The following GPAM variants were observed in gnomAD, a reference collection of about 807,000 sequenced individuals.
GPAM encodes the protein glycerol-3-phosphate acyltransferase, mitochondrial, also known as glycerol-3-phosphate acyltransferase 1, mitochondrial.
A neutral mutation model predicts 105.0 loss-of-function variants in GPAM; 56 were observed. That is an observed-to-expected ratio of 0.53 (90% CI 0.43 to 0.67). The LOEUF (loss-of-function observed/expected upper bound fraction) is 0.67. Among genes scored for constraint, GPAM ranks in the 30% least tolerant of loss-of-function variants. The pLI is 0.00. For missense variants in GPAM, 855 were observed against 989.8 expected, an observed-to-expected ratio of 0.86 and a Z score of 1.83; for synonymous variants, 368 against 354.4, an observed-to-expected ratio of 1.04 and a Z score of -0.43.
chr10:112,190,041 C>G (rs1847638023), intron 1 of GPAM, among the ~76,000 whole-genome samples: 2 of 151,980 alleles, frequency 1.3e-5, no homozygotes, highest in African/African-American at 4.8e-5. Context: ...CACTCTAGTC[C>G]CTGTTTTTAG....
intron 11 of GPAM, among the ~76,000 whole-genome samples, chr10:112,166,853 C>T (rs1847227210): frequency 6.6e-6 from 1 of 152,112 alleles, no homozygotes; most frequent in Non-Finnish European, 1.5e-5. Flanking sequence ...TTCTGTGGTT[C>T]TTAAACAAGA....
chr10:112,180,859 C>T (rs1037942419), intron 3 of GPAM, among the ~76,000 whole-genome samples: 2 of 152,132 alleles, frequency 1.3e-5, no homozygotes, highest in African/African-American at 4.8e-5. Context: ...GTCAAACAGA[C>T]TTCTGACAGC....
chr10:112,176,902 G>A (rs1202023376), intron 5 of GPAM, among the ~76,000 whole-genome samples: 1 of 152,076 alleles, frequency 6.6e-6, no homozygotes, highest in South Asian at 2.1e-4. Context: ...ATTCTGCCTC[G>A]TCATCATAGC....
chr10:112,156,341 G>T, intron 19 of GPAM: 1 of 417,330 alleles, frequency 2.4e-6, no homozygotes, highest in Non-Finnish European at 4.5e-6. Flanking sequence ...TGCCCTACTT[G>T]TGATACGCTG....
At chr10:112,186,024 A>C (rs1049095078), upstream of GPAM, among the ~76,000 whole-genome samples, 101 of 152,252 alleles carry the variant, frequency 6.6e-4, 1 homozygote, top group African/African-American at 2.4e-3. Flanking sequence ...AAACTTATAA[A>C]CCCAAAAAGC....
chr10:112,160,156 A>G, intron 16 of GPAM, 103 bp from the exon 17 acceptor site: 1 of 1,155,166 alleles, frequency 8.7e-7, no homozygotes, highest in Non-Finnish European at 1.3e-6. Context: ...ATCAAAAATA[A>G]TGGCCTGTAT....
intron 1 of GPAM, among the ~76,000 whole-genome samples, chr10:112,197,664 AGT>A (rs1162923102): frequency 2.9e-5 from 3 of 105,072 alleles, no homozygotes; most frequent in African/African-American, 1.1e-4. Flanking sequence ...CAGTCCCCAG[AGT>A]GTGATATTCC....
chr10:112,202,652 T>A (rs528577672), intron 1 of GPAM, among the ~76,000 whole-genome samples: 2 of 152,190 alleles, frequency 1.3e-5, no homozygotes, highest in African/African-American at 4.8e-5. Context: ...GCTGACACCA[T>A]AAAATACCTA....
chr10:112,154,461 T>C, intron 21 of GPAM, 168 bp downstream of exon 21: 1 of 642,926 alleles, frequency 1.6e-6, no homozygotes, highest in Non-Finnish European at 2.8e-6. Flanking sequence ...ACCTTCAACA[T>C]AGCCCAACCC....
chr10:112,175,777 A>T (rs1847392780), intron 5 of GPAM, 64 bp from the exon 6 acceptor site: 2 of 1,020,658 alleles, frequency 2.0e-6, no homozygotes, highest in Non-Finnish European at 3.1e-6. Context: ...TTAAATCATA[A>T]ACTAATTTTC....
At chr10:112,163,201 G>A (rs1035112961) in intron 14 of GPAM, among the ~76,000 whole-genome samples, 1 of 152,166 alleles carries the variant, frequency 6.6e-6, no homozygotes, top group Non-Finnish European at 1.5e-5. Context: ...TTAATTATTT[G>A]TGTATAACCA....
chr10:112,187,692 ACTAT>A (rs1288905288), upstream of GPAM, among the ~76,000 whole-genome samples: 1 of 152,198 alleles, frequency 6.6e-6, no homozygotes, highest in Non-Finnish European at 1.5e-5. Flanking sequence ...CTTGTACAAT[ACTAT>A]CAACCCAACT....
chr10:112,206,794 A>G (rs183752957), intron 1 of GPAM, among the ~76,000 whole-genome samples: 160 of 151,254 alleles, frequency 1.1e-3, no homozygotes, highest in African/African-American at 3.6e-3. Flanking sequence ...CAATGTACAC[A>G]TGTACCCTAA....
chr10:112,153,771 G>A, intron 21 of GPAM, 105 bp from the exon 22 acceptor site: 1 of 1,342,036 alleles, frequency 7.5e-7, no homozygotes, highest in Non-Finnish European at 1.0e-6. Context: ...AGGCAGTAAA[G>A]GCACAAAAAA....
upstream of GPAM, among the ~76,000 whole-genome samples, chr10:112,218,405 T>C (rs1404742592): frequency 2.0e-5 from 3 of 152,110 alleles, no homozygotes; most frequent in Non-Finnish European, 4.4e-5. Flanking sequence ...GCTTGACCCA[T>C]TGCAAGGAAT....
chr10:112,186,932 T>G (rs945720525), upstream of GPAM, among the ~76,000 whole-genome samples: 1 of 152,164 alleles, frequency 6.6e-6, no homozygotes, highest in Non-Finnish European at 1.5e-5. Flanking sequence ...ACAAATAAAA[T>G]GTATGATGAC....
At chr10:112,214,633 T>A (rs1847948553) in intron 1 of GPAM, among the ~76,000 whole-genome samples, 1 of 152,132 alleles carries the variant, frequency 6.6e-6, no homozygotes, top group Non-Finnish European at 1.5e-5. Context: ...GATCTTAAAG[T>A]GGGAATCAAA....
At chr10:112,213,462 G>C (rs1196777389) in intron 1 of GPAM, among the ~76,000 whole-genome samples, 2 of 152,254 alleles carry the variant, frequency 1.3e-5, no homozygotes, top group East Asian at 3.9e-4. Flanking sequence ...ACAAGAAAGA[G>C]CCTACCGGGT....
chr10:112,215,755 G>A (rs549802751), upstream of GPAM, among the ~76,000 whole-genome samples: 23 of 152,324 alleles, frequency 1.5e-4, no homozygotes, highest in Middle Eastern at 0.01. Flanking sequence ...GGGGCTGAGC[G>A]GGGCTGGGGT....
Sources: allele counts gnomAD v4.1 joint callset (sites outside exome capture counted in the v4.1 genomes callset), GRCh38; gene constraint gnomAD v4.1.1; transcripts MANE v1.5; gene names NCBI Gene and HGNC (gene_info 2026-07-23, HGNC 2026-07-21).